CIRSR: variants seen among roughly 807,000 people sequenced by gnomAD.
CIRSR encodes corepressor of RBPJ and splicing regulator.
At chr2:174,363,758 T>G in the CIRSR span, among the ~76,000 whole-genome samples, 1 of 152,166 alleles carries the variant, frequency 6.6e-6, no homozygotes, top group Non-Finnish European at 1.5e-5. Context: ...CCATCGGATC[T>G]TGTGAGACTT....
the CIRSR span, among the ~76,000 whole-genome samples, chr2:174,394,997 A>C: frequency 1.3e-5 from 2 of 152,206 alleles, no homozygotes; most frequent in African/African-American, 4.8e-5. Flanking sequence ...ACTAGAATCC[A>C]GGTTTGACTC....
chr2:174,382,070 TA>T, the CIRSR span, among the ~76,000 whole-genome samples: 1 of 152,218 alleles, frequency 6.6e-6, no homozygotes, highest in African/African-American at 2.4e-5. Context: ...AGGATTTTCT[TA>T]AACCCTGAAA....
chr2:174,374,395 CTA>C, the CIRSR span, among the ~76,000 whole-genome samples: 3 of 152,098 alleles, frequency 2.0e-5, no homozygotes, highest in East Asian at 5.8e-4. Context: ...TGGGATTACT[CTA>C]TGTTATTTTG....
At chr2:174,364,247 T>C in the CIRSR span, among the ~76,000 whole-genome samples, 1 of 152,218 alleles carries the variant, frequency 6.6e-6, no homozygotes, top group African/African-American at 2.4e-5. Context: ...TGACTCCATG[T>C]CTCACATCCA....
chr2:174,394,565 G>A, the CIRSR span, among the ~76,000 whole-genome samples: 2 of 152,130 alleles, frequency 1.3e-5, no homozygotes, highest in African/African-American at 4.8e-5. Flanking sequence ...GGGGCTGGAT[G>A]ATTACCAAAG....
the CIRSR span, among the ~76,000 whole-genome samples, chr2:174,389,327 C>T: frequency 6.6e-6 from 1 of 152,120 alleles, no homozygotes; most frequent in African/African-American, 2.4e-5. Flanking sequence ...CAATGAAGTC[C>T]AGGATGAGGT....
the CIRSR span, among the ~76,000 whole-genome samples, chr2:174,376,526 G>A: frequency 2.1e-4 from 30 of 144,952 alleles, no homozygotes; most frequent in African/African-American, 6.7e-4. Flanking sequence ...GGCCGGGCGC[G>A]GTGGCTCACA....
At chr2:174,357,719 A>G in the CIRSR span, among the ~76,000 whole-genome samples, 7 of 152,220 alleles carry the variant, frequency 4.6e-5, no homozygotes. Context: ...TCTTACACTT[A>G]TATTTGATTA....
At chr2:174,359,416 C>T in the CIRSR span, among the ~76,000 whole-genome samples, 1 of 151,386 alleles carries the variant, frequency 6.6e-6, no homozygotes, top group Admixed American at 6.6e-5. Flanking sequence ...CTCATTATAT[C>T]TATATATTAT....
chr2:174,363,164 G>A, the CIRSR span, among the ~76,000 whole-genome samples: 3 of 152,198 alleles, frequency 2.0e-5, no homozygotes, highest in African/African-American at 7.2e-5. Flanking sequence ...GAAGGTTACA[G>A]CCCACAAGCA....
the CIRSR span, among the ~76,000 whole-genome samples, chr2:174,395,327 A>G: frequency 6.6e-6 from 1 of 152,212 alleles, no homozygotes; most frequent in African/African-American, 2.4e-5. Context: ...CTGGCCGACA[A>G]AGATTCTCTA....
the CIRSR span, among the ~76,000 whole-genome samples, chr2:174,357,402 C>T: frequency 6.6e-6 from 1 of 152,132 alleles, no homozygotes; most frequent in Non-Finnish European, 1.5e-5. Context: ...TTAATTAAAA[C>T]ATGTTTCTAG....
At chr2:174,380,145 A>G in the CIRSR span, 6 of 1,215,984 alleles carry the variant, frequency 4.9e-6, no homozygotes, top group African/African-American at 1.5e-5. Flanking sequence ...ACAACAATAT[A>G]AAGATACATT....
At chr2:174,362,937 T>C in the CIRSR span, among the ~76,000 whole-genome samples, 1 of 152,034 alleles carries the variant, frequency 6.6e-6, no homozygotes, top group Non-Finnish European at 1.5e-5. Context: ...TAGAGCCCCC[T>C]TTCATGAGTT....
chr2:174,392,986 T>C, the CIRSR span, among the ~76,000 whole-genome samples: 3 of 151,978 alleles, frequency 2.0e-5, no homozygotes, highest in Non-Finnish European at 2.9e-5. Flanking sequence ...AAGCAAGAAG[T>C]GGGCCAAGGA....
the CIRSR span, among the ~76,000 whole-genome samples, chr2:174,351,197 T>C: frequency 1.3e-5 from 2 of 152,214 alleles, no homozygotes; most frequent in African/African-American, 2.4e-5. Context: ...TATAATAATA[T>C]AGCCCTTCAA....
the CIRSR span, among the ~76,000 whole-genome samples, chr2:174,354,902 A>G: frequency 6.7e-6 from 1 of 148,548 alleles, no homozygotes; most frequent in African/African-American, 2.5e-5. Context: ...GCACCCGGCC[A>G]CTATCCAAAT....
At chr2:174,369,828 C>G in the CIRSR span, among the ~76,000 whole-genome samples, 1 of 152,058 alleles carries the variant, frequency 6.6e-6, no homozygotes, top group African/African-American at 2.4e-5. Context: ...AACACAATTA[C>G]GATAGTAATG....
the CIRSR span, chr2:174,380,658 G>T: frequency 6.2e-7 from 1 of 1,611,294 alleles, no homozygotes; most frequent in African/African-American, 1.3e-5. Flanking sequence ...TACTTTTCTC[G>T]TGGGGCTCCT....
Sources: gnomAD v4.1 joint callset for allele counts (sites outside exome capture counted in the v4.1 genomes callset) on GRCh38, gnomAD v4.1.1 for gene constraint, MANE v1.5 for transcripts, NCBI Gene and HGNC (gene_info 2026-07-23, HGNC 2026-07-21) for gene names.